SEZ6L: variants seen among roughly 807,000 people sequenced by gnomAD.
The protein encoded by SEZ6L is seizure 6-like protein.
Under a neutral mutation model 106.2 loss-of-function variants are expected in SEZ6L, and 37 were observed. The ratio of observed to expected loss-of-function variants is 0.35; its 90% CI spans 0.27 to 0.46. The LOEUF (loss-of-function observed/expected upper bound fraction) is 0.46. SEZ6L is among the 20% of genes least tolerant of loss of function. The pLI, the probability that SEZ6L is intolerant of heterozygous loss-of-function variation, is 1.00. For missense variants in SEZ6L, 1,172 were observed against 1,332.8 expected, an observed-to-expected ratio of 0.88 and a Z score of 1.88; for synonymous variants, 541 against 570.4, an observed-to-expected ratio of 0.95 and a Z score of 0.73.
At chr22:26,181,684 C>G (rs1939404746) in intron 1 of SEZ6L, among the ~76,000 whole-genome samples, 2 of 152,156 alleles carry the variant, frequency 1.3e-5, no homozygotes, top group South Asian at 4.1e-4. Flanking sequence ...AATGGACTTA[C>G]ATCCTGGGAT....
intron 1 of SEZ6L, among the ~76,000 whole-genome samples, chr22:26,208,411 ATGCC>A (rs2145694461): frequency 6.6e-6 from 1 of 152,314 alleles, no homozygotes; most frequent in Non-Finnish European, 1.5e-5. Context: ...TTATCTGAAT[ATGCC>A]GTTAGTTTAC....
At chr22:26,308,219 CA>C (rs2081698360) in intron 6 of SEZ6L, among the ~76,000 whole-genome samples, 1 of 151,958 alleles carries the variant, frequency 6.6e-6, no homozygotes, top group Non-Finnish European at 1.5e-5. Context: ...GACCTAAAGT[CA>C]AAATGGAAGG....
At chr22:26,365,292 G>C (rs1041896740) in intron 12 of SEZ6L, 80 bp from the exon 13 acceptor site, 7 of 1,297,912 alleles carry the variant, frequency 5.4e-6, no homozygotes, top group African/African-American at 2.9e-5. Context: ...GCTGACCAAA[G>C]CTAGATCACA....
intron 11 of SEZ6L, among the ~76,000 whole-genome samples, chr22:26,350,230 T>TACACATATATATA (rs1294201857): frequency 6.9e-6 from 1 of 144,722 alleles, no homozygotes; most frequent in Non-Finnish European, 1.5e-5. Context: ...ATATATATAT[T>TACACATATATATA]TATATGTATT....
chr22:26,307,620 A>C (rs1379010682), intron 6 of SEZ6L, among the ~76,000 whole-genome samples: 3 of 152,150 alleles, frequency 2.0e-5, no homozygotes, highest in African/African-American at 7.2e-5. Flanking sequence ...GGGCTCCCGA[A>C]CGTGGCTTTT....
At chr22:26,371,375 G>A (rs1226870372) in intron 13 of SEZ6L, among the ~76,000 whole-genome samples, 1 of 152,140 alleles carries the variant, frequency 6.6e-6, no homozygotes, top group African/African-American at 2.4e-5. Context: ...CCAACAATGT[G>A]TAATATGTCC....
At position 26,292,513 on chromosome 22, in the gene SEZ6L, A is replaced by G. The variant is rs1292205446; in HGVS notation, c.202A>G (p.Thr68Ala). Residue 68 changes from threonine to alanine, a missense_variant, in exon 2 of 17, where the codon ACA becomes GCA. Thr to Ala is a moderately conservative substitution (Grantham distance 58). Coordinates refer to ENST00000248933, the MANE Select transcript of SEZ6L (RefSeq NM_021115.5). ...AGAGCACCCTGAAGAGAGAGTGGTAACAGCGCCCCCCAGTTCCTCACAGTC... is the reference window on the plus strand; with the variant it reads ...AGAGCACCCTGAAGAGAGAGTGGTAGCAGCGCCCCCCAGTTCCTCACAGTC... ...GKEHPEERVV[T>A]APPSSSQSAE... 1 of 1,613,808 alleles carries G rather than the reference A, an allele frequency of 6.2e-7. No individual in the cohort carries two copies. The highest frequency in any genetic ancestry group is 1.3e-5 in the African/African-American group (1 of 74,918).
At position 26,380,514 on chromosome 22, in the gene SEZ6L, G is replaced by GT. The variant is rs2084380821; in HGVS notation, c.*221dup. 1 of 436,230 alleles carries GT rather than the reference G, an allele frequency of 2.3e-6. No homozygotes were observed. Among genetic ancestry groups the GT allele is most frequent in the Admixed American group, 3.6e-5 (1 of 27,442 alleles). 27.0% of individuals were successfully genotyped at this position (436,230 alleles called of 1,614,324 possible). On this transcript the variant is annotated 3_prime_UTR_variant, in exon 17 of 17. Coordinates refer to ENST00000248933, the MANE Select transcript of SEZ6L (RefSeq NM_021115.5). ...GTTTCGCGGCCTCAGCCAAATTCAT[G>GT]TTACAGCCTCAATTCTGAAGGCAGG...
intron 1 of SEZ6L, among the ~76,000 whole-genome samples, chr22:26,185,014 G>A (rs920630871): frequency 3.3e-5 from 5 of 152,210 alleles, no homozygotes; most frequent in Admixed American, 6.5e-5. Flanking sequence ...AACCCAGGTG[G>A]CAGAGGCTGC....
chr22:26,354,297 C>T (rs1401644915), intron 12 of SEZ6L, among the ~76,000 whole-genome samples: 2 of 152,146 alleles, frequency 1.3e-5, no homozygotes, highest in Non-Finnish European at 2.9e-5. Context: ...AATCTGGACA[C>T]AGATGGGGAC....
chr22:26,243,436 C>A (rs1033622063), intron 1 of SEZ6L, among the ~76,000 whole-genome samples: 1 of 152,156 alleles, frequency 6.6e-6, no homozygotes, highest in Non-Finnish European at 1.5e-5. Context: ...ATGAGCCATG[C>A]AAATAACTGG....
intron 1 of SEZ6L, among the ~76,000 whole-genome samples, chr22:26,259,619 T>C (rs1205281092): frequency 6.6e-6 from 1 of 152,208 alleles, no homozygotes; most frequent in Non-Finnish European, 1.5e-5. Context: ...CTGAGGCTTC[T>C]TAACACAGGT....
At chr22:26,332,176 G>A (rs1400532615) in intron 9 of SEZ6L, among the ~76,000 whole-genome samples, 2 of 141,696 alleles carry the variant, frequency 1.4e-5, no homozygotes, top group African/African-American at 5.2e-5. Context: ...TTGAGACAGG[G>A]TCTCGCTCTG....
chr22:26,208,002 C>T (rs576759017), intron 1 of SEZ6L, among the ~76,000 whole-genome samples: 106 of 151,808 alleles, frequency 7.0e-4, no homozygotes, highest in African/African-American at 2.5e-3. Context: ...CTCCGCCTCC[C>T]GGGTTCACGC....
chr22:26,226,124 C>T (rs2078627405), intron 1 of SEZ6L, among the ~76,000 whole-genome samples: 1 of 152,164 alleles, frequency 6.6e-6, no homozygotes, highest in Admixed American at 6.5e-5. Context: ...TGCAACCATC[C>T]CTCACTGGGC....
chr22:26,347,727 A>G lies in SEZ6L; in HGVS notation c.2221A>G (p.Arg741Gly). The change falls in exon 11 of 17, where the codon AGG (arginine) becomes GGG (glycine). Residue 741 changes from arginine (R) to glycine (G), a missense_variant. This residue lies in a region of SEZ6L where 534 missense variants were observed against 691.0 expected (regional missense o/e 0.77). Transcript: ENST00000248933. ...ACGTTTCTCTTTTAAAGAGGTATCA[A>G]GGAATGACTCCTGCTCGGATTTACC... Reference protein sequence around the residue: ...GFIMNYIEVSRNDSCSDLPEI... With the variant: ...GFIMNYIEVSGNDSCSDLPEI... 6.2e-7 allele frequency: 1 copy of G among 1,602,842 alleles called. No homozygotes were observed. The highest frequency in any genetic ancestry group is 8.5e-7 in the Non-Finnish European group (1 of 1,176,302).
chr22:26,199,373 G>T (rs1569371646), intron 1 of SEZ6L, among the ~76,000 whole-genome samples: 1 of 152,162 alleles, frequency 6.6e-6, no homozygotes, highest in Non-Finnish European at 1.5e-5. Context: ...AGAATAGAAA[G>T]CCTGGGAGGG....
intron 12 of SEZ6L, among the ~76,000 whole-genome samples, chr22:26,361,506 CAAA>C (rs530265526): frequency 0.15 from 19,008 of 130,326 alleles, 1,329 homozygotes; most frequent in Middle Eastern, 0.26. Flanking sequence ...GACTCTGTCT[CAAA>C]AAAAAAAAAA....
chr22:26,281,602 T>C lies in SEZ6L; in HGVS notation c.95-10804T>C, dbSNP rs900284210. Among the ~76,000 whole-genome samples the C allele has an allele frequency of 1.6e-4, 25 of 152,170 alleles. 1 individual carries two copies. Among genetic ancestry groups the C allele is most frequent in the African/African-American group, 6.0e-4 (25 of 41,542 alleles). On this transcript the variant is annotated intron_variant, in intron 1 of 16. Coordinates refer to ENST00000248933, the MANE Select transcript of SEZ6L (RefSeq NM_021115.5). Reference sequence around the variant, plus strand: ...ACCGTGTTAGCCAGGATGGTCTTGATCTCCTGACCTCGTGGTCCGCCCACC... The same window carrying C: ...ACCGTGTTAGCCAGGATGGTCTTGACCTCCTGACCTCGTGGTCCGCCCACC...
Sources: gnomAD v4.1 joint callset for allele counts (sites outside exome capture counted in the v4.1 genomes callset) on GRCh38, gnomAD v4.1.1 for gene constraint, gnomAD v4.1.1 regional missense constraint, MANE v1.5 for transcripts, NCBI Gene and HGNC (gene_info 2026-07-23, HGNC 2026-07-21) for gene names.